GABBR2: variants seen among roughly 807,000 people sequenced by gnomAD.
The protein encoded by GABBR2 is G-protein coupled receptor 51.
In GABBR2, 23 loss-of-function variants were observed where a neutral mutation model predicts 105.6. That is an observed-to-expected ratio of 0.22 (90% CI 0.16 to 0.31). The LOEUF (loss-of-function observed/expected upper bound fraction) is 0.31, where lower values mean the gene tolerates loss of function less well. Among genes scored for constraint, GABBR2 ranks in the 10% least tolerant of loss-of-function variants. The probability of loss-of-function intolerance (pLI) is 1.00; values close to 1 mark genes in which losing one functional copy is unlikely to be tolerated. For missense variants in GABBR2, 734 were observed against 1,245.5 expected (o/e 0.59, Z 6.18); for synonymous variants, 478 against 499.7 (o/e 0.96, Z 0.58).
At chr9:98,507,744 C>T (rs984346524) in intron 3 of GABBR2, among the ~76,000 whole-genome samples, 1 of 152,156 alleles carries the variant, frequency 6.6e-6, no homozygotes, top group Non-Finnish European at 1.5e-5. Flanking sequence ...GTCCTGGGCT[C>T]AAGATCCCTC....
chr9:98,384,517 G>A (rs930524742), intron 11 of GABBR2, among the ~76,000 whole-genome samples: 2 of 152,038 alleles, frequency 1.3e-5, no homozygotes, highest in African/African-American at 4.8e-5. Context: ...TTGAACCCAG[G>A]AGGCGGAGGT....
At chr9:98,311,339 T>A (rs1830633470) in intron 13 of GABBR2, 134 bp from the exon 14 acceptor site, 1 of 617,164 alleles carries the variant, frequency 1.6e-6, no homozygotes, top group South Asian at 1.9e-5. Flanking sequence ...TTGGACCCCA[T>A]CTCTGTGTTC....
chr9:98,545,751 C>A (rs762617125), intron 2 of GABBR2, among the ~76,000 whole-genome samples: 15 of 152,178 alleles, frequency 9.9e-5, no homozygotes, highest in Non-Finnish European at 1.6e-4. Flanking sequence ...GAGGTAGAAG[C>A]AGGACTTGAA....
chr9:98,475,252 C>T (rs891047187), intron 5 of GABBR2, among the ~76,000 whole-genome samples: 6 of 151,814 alleles, frequency 4.0e-5, no homozygotes, highest in African/African-American at 1.2e-4. Flanking sequence ...AGAAAACTCT[C>T]GTATTTTAAT....
At chr9:98,679,713 C>T (rs1271989204) in intron 1 of GABBR2, among the ~76,000 whole-genome samples, 1 of 152,150 alleles carries the variant, frequency 6.6e-6, no homozygotes, top group Non-Finnish European at 1.5e-5. Flanking sequence ...GAGCTTCTCC[C>T]GCCCTTTTCT....
intron 18 of GABBR2, among the ~76,000 whole-genome samples, chr9:98,292,673 G>A (rs1245133870): frequency 2.6e-5 from 4 of 152,252 alleles, no homozygotes; most frequent in Admixed American, 6.5e-5. Flanking sequence ...AAAAAGGGAA[G>A]AATAAACTGT....
rs527295600 is a variant in GABBR2 at position 98,642,247 on chromosome 9, T to A, written c.322-64175A>T. Among the ~76,000 whole-genome samples, 26 of 152,224 alleles carry A rather than the reference T, an allele frequency of 1.7e-4. 1 individual carries two copies. In the South Asian group the frequency reaches 5.2e-3, roughly 30 times the overall value. On this transcript the variant is annotated intron_variant, in intron 1 of 18. Transcript: ENST00000259455. ...CAGCTGGGAACCCCACGCTTCCTCC[T>A]CTCCTTCCTCAGTCTCCTCGTCCAA...
At chr9:98,505,299 G>T (rs1389219864) in intron 3 of GABBR2, among the ~76,000 whole-genome samples, 3 of 152,158 alleles carry the variant, frequency 2.0e-5, no homozygotes, top group African/African-American at 7.2e-5. Context: ...TCTGTAACCA[G>T]ATTTGAAAGT....
intron 1 of GABBR2, among the ~76,000 whole-genome samples, chr9:98,679,582 A>C (rs1275765919): frequency 6.6e-6 from 1 of 152,220 alleles, no homozygotes; most frequent in Non-Finnish European, 1.5e-5. Context: ...TTCAGGACAC[A>C]CTATCCCCAA....
At chr9:98,413,307 G>A (rs1832622135) in intron 7 of GABBR2, among the ~76,000 whole-genome samples, 1 of 152,198 alleles carries the variant, frequency 6.6e-6, no homozygotes, top group African/African-American at 2.4e-5. Context: ...GTCAGGGGTT[G>A]CATAAAGGGT....
At chr9:98,501,708 G>C (rs548277734) in intron 3 of GABBR2, among the ~76,000 whole-genome samples, 3 of 152,270 alleles carry the variant, frequency 2.0e-5, no homozygotes, top group South Asian at 2.1e-4. Context: ...GGTCACAAAG[G>C]GTGAGACCAA....
chr9:98,385,618 T>C (rs1281706723), intron 11 of GABBR2, 22 bp downstream of exon 11: 1 of 1,608,278 alleles, frequency 6.2e-7, no homozygotes, highest in East Asian at 2.2e-5. Context: ...CATATACCAC[T>C]GGCTTATGCA....
At chr9:98,606,991 G>A (rs935800248) in intron 1 of GABBR2, 12 of 850,570 alleles carry the variant, frequency 1.4e-5, no homozygotes, top group Middle Eastern at 3.1e-4. Flanking sequence ...GCCCCATGTC[G>A]CTCGGTAGCT....
intron 1 of GABBR2, among the ~76,000 whole-genome samples, chr9:98,622,278 C>T (rs1400777818): frequency 6.6e-6 from 1 of 152,030 alleles, no homozygotes; most frequent in Non-Finnish European, 1.5e-5. Flanking sequence ...GATCCTTCCA[C>T]CTCAGCCTCC....
chr9:98,464,495 A>G (rs961514540), intron 6 of GABBR2, among the ~76,000 whole-genome samples: 12 of 144,960 alleles, frequency 8.3e-5, no homozygotes, highest in Non-Finnish European at 1.2e-4. Flanking sequence ...GGAAGTGAGG[A>G]GTGCCTCTGC....
At chr9:98,518,272 C>G (rs1039974455) in intron 3 of GABBR2, among the ~76,000 whole-genome samples, 3 of 152,318 alleles carry the variant, frequency 2.0e-5, no homozygotes, top group Middle Eastern at 3.4e-3. Flanking sequence ...AATCGGACTT[C>G]AGCTCTGAAG....
intron 13 of GABBR2, among the ~76,000 whole-genome samples, chr9:98,352,743 T>C (rs2131426602): frequency 6.6e-6 from 1 of 152,148 alleles, no homozygotes; most frequent in Non-Finnish European, 1.5e-5. Flanking sequence ...TGGGTCCCTT[T>C]GTCCTGGGGG....
intron 3 of GABBR2, among the ~76,000 whole-genome samples, chr9:98,533,825 G>A (rs1828117317): frequency 6.6e-6 from 1 of 152,210 alleles, no homozygotes; most frequent in South Asian, 2.1e-4. Context: ...TGGAGGTGTG[G>A]CTGGACCAAA....
chr9:98,466,521 G>A (rs575743463), intron 6 of GABBR2, among the ~76,000 whole-genome samples: 3 of 152,190 alleles, frequency 2.0e-5, no homozygotes, highest in Non-Finnish European at 2.9e-5. Flanking sequence ...ACTCTTCATC[G>A]ATCTCACTAC....
Sources: gnomAD v4.1 joint callset for allele counts (sites outside exome capture counted in the v4.1 genomes callset) on GRCh38, gnomAD v4.1.1 for gene constraint, MANE v1.5 for transcripts, NCBI Gene and HGNC (gene_info 2026-07-23, HGNC 2026-07-21) for gene names.